The following CTLA4 variants were observed in gnomAD, a reference collection of about 807,000 sequenced individuals.
CTLA4 encodes the protein cytotoxic T-lymphocyte protein 4.
In CTLA4, 3 loss-of-function variants were observed where a neutral mutation model predicts 20.4. The observed-to-expected ratio is 0.15, with a 90% CI of 0.07 to 0.38. CTLA4 has a LOEUF of 0.38. Ranked by LOEUF, CTLA4 falls within the 10% of genes least tolerant of loss-of-function variation. The probability of loss-of-function intolerance (pLI) is 1.00; values close to 1 mark genes in which losing one functional copy is unlikely to be tolerated. For missense variants in CTLA4, 184 were observed against 276.8 expected, an observed-to-expected ratio of 0.66 and a Z score of 2.38; for synonymous variants, 100 against 105.2, an observed-to-expected ratio of 0.95 and a Z score of 0.30.
chr2:203,873,241 A>G lies in CTLA4; in HGVS notation c.*429A>G. 3 of 400,662 alleles carry G rather than the reference A, an allele frequency of 7.5e-6. No homozygotes were observed. The highest frequency in any genetic ancestry group is 8.8e-6 in the Non-Finnish European group (2 of 227,212). The allele number at this position is 400,662 out of a possible 1,614,324, so 24.8% of individuals were successfully genotyped here. On this transcript the variant is annotated 3_prime_UTR_variant, in exon 4 of 4. Transcript: ENST00000648405. ...AAATTTTATGCCTTTTATTTCTTAA[A>G]CAAATGTATGATTACATCAAGGCTT... is the stretch of plus-strand genomic sequence containing the variant.
chr2:203,871,548 G>T, intron 3 of CTLA4, 61 bp downstream of exon 3: 3 of 1,258,070 alleles, frequency 2.4e-6, no homozygotes, highest in Non-Finnish European at 3.5e-6. Context: ...GTATCAACTG[G>T]CCAAAAGATG....
intron 3 of CTLA4, 93 bp downstream of exon 3, chr2:203,871,580 A>C: frequency 1.0e-6 from 1 of 966,698 alleles, no homozygotes; most frequent in Non-Finnish European, 1.7e-6. Flanking sequence ...AGTGTTCTTG[A>C]GATGAGATGA....
intron 3 of CTLA4, among the ~76,000 whole-genome samples, chr2:203,872,506 T>C (rs1688751146): frequency 6.6e-6 from 1 of 152,234 alleles, no homozygotes; most frequent in South Asian, 2.1e-4. Context: ...ATGATTGCCA[T>C]TTAACATCAA....
chr2:203,873,019 A>T lies in CTLA4; in HGVS notation c.*207A>T. The T allele has an allele frequency of 1.7e-6, 1 of 589,720 alleles. No individual in the cohort carries two copies. The highest frequency in any genetic ancestry group is 2.7e-5 in the East Asian group (1 of 36,400). 36.5% of individuals were successfully genotyped at this position (589,720 alleles called of 1,614,324 possible). On this transcript the variant is annotated 3_prime_UTR_variant, in exon 4 of 4. Transcript: ENST00000648405. Reference sequence around the variant, plus strand: ...AAGACAGAGCTGGGATGTTTCTGTCACATCAGCTCCACTTTCAGTGAAAGC... The same window carrying T: ...AAGACAGAGCTGGGATGTTTCTGTCTCATCAGCTCCACTTTCAGTGAAAGC...
intron 2 of CTLA4, 102 bp downstream of exon 2, chr2:203,871,035 T>G (rs1688721200): frequency 1.1e-6 from 1 of 946,728 alleles, no homozygotes; most frequent in South Asian, 1.7e-5. Flanking sequence ...CTTTTAGGAC[T>G]GTGGACATTC....
At position 203,870,972 on chromosome 2, in the gene CTLA4, T is replaced by C. The variant is rs1340629531; in HGVS notation, c.457+39T>C. 15 of 1,520,330 alleles carry C rather than the reference T, an allele frequency of 9.9e-6. No homozygotes were observed. The highest frequency in any genetic ancestry group is 6.8e-5 in the East Asian group (3 of 43,932). The allele number at this position is 1,520,330 out of a possible 1,614,324, so 94.2% of individuals were successfully genotyped here. A position where few individuals can be genotyped will look rare whatever the true frequency, so the allele number is the denominator to read the frequency against. ...TTTCACTGAGTTGACACCTGTTGCA[T>C]TGCAGTCTTCTATGCACAAAAACAG... On this transcript the variant is annotated intron_variant, in intron 2 of 3. Coordinates refer to ENST00000648405, the MANE Select transcript of CTLA4 (RefSeq NM_005214.5). This position sits in a 1 kb window ranked among gnomAD's most constrained non-coding sequence, Gnocchi z 5.3.
Position 203,870,398 on chromosome 2 carries a change from G to C in CTLA4, c.110-188G>C. 4 of 601,526 alleles carry C rather than the reference G, an allele frequency of 6.6e-6. No individual in the cohort carries two copies. The South Asian group carries it at 8.3e-5, about 12-fold the overall frequency. 37.3% of individuals were successfully genotyped at this position (601,526 alleles called of 1,614,324 possible). ...CAGTAAGAAAATATCTTTATGGAGA[G>C]TAGCTGGAAAACAGTTGAGAGATGG... On this transcript the variant is annotated intron_variant, in intron 1 of 3. Transcript: ENST00000648405. The surrounding 1 kb of genome is among the most constrained non-coding windows in gnomAD (Gnocchi z 5.3).
chr2:203,869,807 G>A (rs1688695948), intron 1 of CTLA4, among the ~76,000 whole-genome samples: 3 of 152,182 alleles, frequency 2.0e-5, no homozygotes, highest in Admixed American at 2.0e-4. Flanking sequence ...TGTGGGAAAA[G>A]AGAACAAAGG....
Position 203,870,940 on chromosome 2 carries a change from A to G in CTLA4, c.457+7A>G. ...ACCCAGATTTATGTAATTGGTGAGC[A>G]AAGCCATTTCACTGAGTTGACACCT... On this transcript the variant is annotated splice_region_variant and intron_variant, in intron 2 of 3. Transcript: ENST00000648405. This position sits in a 1 kb window ranked among gnomAD's most constrained non-coding sequence, Gnocchi z 5.3. 6.2e-7 allele frequency: 1 copy of G among 1,608,694 alleles called. No individual in the cohort carries two copies. Among genetic ancestry groups the G allele is most frequent in the South Asian group, 1.1e-5 (1 of 90,776 alleles).
chr2:203,873,194 G>T lies in CTLA4; in HGVS notation c.*382G>T. Reference sequence around the variant, plus strand: ...TATATTTACGTATGAGACGTTTATAGCCGAAATGATCTTTTCAAGTTAAAT... The same window carrying T: ...TATATTTACGTATGAGACGTTTATATCCGAAATGATCTTTTCAAGTTAAAT... On this transcript the variant is annotated 3_prime_UTR_variant, in exon 4 of 4. Coordinates refer to ENST00000648405, the MANE Select transcript of CTLA4 (RefSeq NM_005214.5). 2.5e-6 allele frequency: 1 copy of T among 403,566 alleles called. No individual in the cohort carries two copies. The highest frequency in any genetic ancestry group is 4.2e-5 in the Admixed American group (1 of 23,640). 25.0% of individuals were successfully genotyped at this position (403,566 alleles called of 1,614,324 possible). A position where few individuals can be genotyped will look rare whatever the true frequency, so the allele number is the denominator to read the frequency against.
chr2:203,869,463 AAGTGGCTTGGTGGAAGGGACT>A (rs952984029), intron 1 of CTLA4, among the ~76,000 whole-genome samples: 1 of 152,220 alleles, frequency 6.6e-6, no homozygotes. Context: ...TGTCCCGTGC[AAGTGGCTTGGTGGAAGGGACT>A]AGTGTCTCTA....
Position 203,871,468 on chromosome 2 carries a change from C to G in CTLA4, c.548C>G (p.Ala183Gly). 6.2e-7 allele frequency: 1 copy of G among 1,613,704 alleles called. No individual in the cohort carries two copies. The highest frequency in any genetic ancestry group is 8.5e-7 in the Non-Finnish European group (1 of 1,179,644). Residue 183 changes from alanine to glycine, a missense_variant, in exon 3 of 4, where the codon GCT (alanine) becomes GGT (glycine). Physicochemically the swap from Ala to Gly is moderately conservative, Grantham distance 60. Around this residue, in one of 3 missense-constraint regions of CTLA4, gnomAD observed 147 missense variants for 223.4 expected, o/e 0.66. Transcript: ENST00000648405. Reference protein sequence around the residue: ...GLFFYSFLLTAVSLSKMLKKR... With the variant: ...GLFFYSFLLTGVSLSKMLKKR... Reference sequence around the variant, plus strand: ...TTTTTTTATAGCTTTCTCCTCACAGCTGTTTCTTTGAGCAAAATGGTGAGT... The same window carrying G: ...TTTTTTTATAGCTTTCTCCTCACAGGTGTTTCTTTGAGCAAAATGGTGAGT...
At chr2:203,868,116 T>G in intron 1 of CTLA4, 65 bp downstream of exon 1, 1 of 1,297,592 alleles carries the variant, frequency 7.7e-7, no homozygotes, top group Admixed American at 1.7e-5. Flanking sequence ...TTCATTTGTT[T>G]CAGCAGTCAA....
At position 203,872,692 on chromosome 2, in the gene CTLA4, T is replaced by A; in HGVS notation, c.568-16T>A. ...ATTCCTCAGTAGTAATTACTGTTTC[T>A]TTTTGTGTTTGACAGCTAAAGAAAA... On this transcript the variant is annotated splice_polypyrimidine_tract_variant and intron_variant, in intron 3 of 3. Coordinates refer to ENST00000648405, the MANE Select transcript of CTLA4 (RefSeq NM_005214.5). 6.5e-7 allele frequency: 1 copy of A among 1,538,244 alleles called. No homozygotes were observed. The highest frequency in any genetic ancestry group is 1.1e-5 in the South Asian group (1 of 89,602).
chr2:203,869,108 T>C (rs953976980), intron 1 of CTLA4, among the ~76,000 whole-genome samples: 1 of 152,176 alleles, frequency 6.6e-6, no homozygotes, highest in African/African-American at 2.4e-5. Flanking sequence ...GAGTGTGAGC[T>C]TGCTTGGGGA....
intron 1 of CTLA4, 134 bp downstream of exon 1, chr2:203,868,185 G>A (rs1198123295): frequency 3.6e-5 from 25 of 695,094 alleles, no homozygotes; most frequent in Non-Finnish European, 3.7e-5. Flanking sequence ...TGGCTTGGCT[G>A]GCTCTGTATT....
At chr2:203,869,805 A>G (rs1169310660) in intron 1 of CTLA4, among the ~76,000 whole-genome samples, 1 of 152,198 alleles carries the variant, frequency 6.6e-6, no homozygotes, top group African/African-American at 2.4e-5. Flanking sequence ...CCTGTGGGAA[A>G]AGAGAACAAA....
In CTLA4 at chr2:203,868,016, TG is replaced by T. The variant is rs606231418; in HGVS notation, c.75del (p.Leu28PhefsTer44). ...ACCAGGACCTGGCCCTGCACTCTCC[TG>T]TTTTTTCTTCTCTTCATCCCTGTCT... ...LATRTWPCTL[L>X]FFLLFIPVFC... On this transcript the variant is annotated frameshift_variant, in exon 1 of 4. Transcript: ENST00000648405. LOFTEE classifies it high-confidence loss of function. 1 of 1,614,092 alleles carries T rather than the reference TG, an allele frequency of 6.2e-7. No individual in the cohort carries two copies. The highest frequency in any genetic ancestry group is 8.5e-7 in the Non-Finnish European group (1 of 1,179,912).
At chr2:203,872,645 T>C (rs1234876019) in intron 3 of CTLA4, 63 bp from the exon 4 acceptor site, 12 of 978,454 alleles carry the variant, frequency 1.2e-5, no homozygotes, top group Non-Finnish European at 2.0e-5. Context: ...TGAGTTCTAT[T>C]ATGGTTAGAA....
Sources: allele counts gnomAD v4.1 joint callset (sites outside exome capture counted in the v4.1 genomes callset), GRCh38; gene constraint gnomAD v4.1.1; regional missense constraint gnomAD v4.1.1; non-coding constraint Gnocchi (gnomAD v3.1); transcripts MANE v1.5; gene names NCBI Gene and HGNC (gene_info 2026-07-23, HGNC 2026-07-21).